SDHAF2: variants seen among roughly 807,000 people sequenced by gnomAD.
SDHAF2 encodes the protein succinate dehydrogenase assembly factor 2, mitochondrial.
A neutral mutation model predicts 18.5 loss-of-function variants in SDHAF2; 21 were observed. The observed-to-expected ratio is 1.13, with a 90% CI of 0.80 to 1.63. The LOEUF (loss-of-function observed/expected upper bound fraction) is 1.63. Among genes scored for constraint, SDHAF2 ranks in the 40% most tolerant of loss-of-function variants. The pLI is 0.00. For missense variants in SDHAF2, 195 were observed against 200.3 expected (o/e 0.97, Z 0.16); for synonymous variants, 84 against 70.7 (o/e 1.19, Z -0.94).
intron 1 of SDHAF2, among the ~76,000 whole-genome samples, chr11:61,436,469 A>G (rs1363879471): frequency 1.3e-5 from 2 of 152,122 alleles, no homozygotes. Flanking sequence ...TTTGTTCTCC[A>G]TGGTTCTTTG....
intron 3 of SDHAF2, among the ~76,000 whole-genome samples, chr11:61,439,219 A>G (rs796226418): frequency 6.2e-4 from 94 of 152,316 alleles, no homozygotes; most frequent in African/African-American, 2.0e-3. Flanking sequence ...TCCAGAGCTC[A>G]TAGAGGGGCT....
intron 1 of SDHAF2, among the ~76,000 whole-genome samples, 189 bp from the exon 2 acceptor site, chr11:61,437,436 A>G (rs891358470): frequency 4.6e-5 from 7 of 152,106 alleles, no homozygotes; most frequent in African/African-American, 1.7e-4. Flanking sequence ...CCTGAACTCA[A>G]GTAATCATGC....
chr11:61,439,765 A>G (rs887917110), intron 3 of SDHAF2, among the ~76,000 whole-genome samples: 6 of 152,178 alleles, frequency 3.9e-5, no homozygotes, highest in African/African-American at 1.2e-4. Flanking sequence ...CCTTGTTGTT[A>G]CTTGTATCAA....
Position 61,446,319 on chromosome 11 carries a change from T to C in SDHAF2, c.*248T>C. On this transcript the variant is annotated 3_prime_UTR_variant, in exon 4 of 4. Coordinates refer to ENST00000301761, the MANE Select transcript of SDHAF2 (RefSeq NM_017841.4). ...TTGTCAGCAGCGCTGGCATGCAGGC[T>C]TTGCCTGGCTGCTATCTCTAGAGGC... The C allele has an allele frequency of 1.6e-6, 1 of 609,014 alleles. No homozygotes were observed. Among genetic ancestry groups the C allele is most frequent in the East Asian group, 2.7e-5 (1 of 36,478 alleles). 37.7% of individuals were successfully genotyped at this position (609,014 alleles called of 1,614,324 possible). A position where few individuals can be genotyped will look rare whatever the true frequency, so the allele number is the denominator to read the frequency against.
In SDHAF2 at chr11:61,445,997, T is replaced by A. The variant is rs755233768; in HGVS notation, c.427T>A (p.Phe143Ile). ...TGAAGTCATGGCCCTGCTGAGAGAC[T>A]TTGCTAAAAACAAAAACAAAGAGCA... ...ENEVMALLRDFAKNKNKEQRL... is the reference protein window; with the variant it reads ...ENEVMALLRDIAKNKNKEQRL... Residue 143 changes from phenylalanine to isoleucine, a missense_variant, in exon 4 of 4, where the codon TTT (phenylalanine) becomes ATT (isoleucine). Phe to Ile is a conservative substitution (Grantham distance 21). Coordinates refer to ENST00000301761, the MANE Select transcript of SDHAF2 (RefSeq NM_017841.4). The A allele has an allele frequency of 1.2e-5, 19 of 1,614,056 alleles. No homozygotes were observed. The South Asian group carries it at 1.9e-4, about 16-fold the overall frequency.
In SDHAF2 at chr11:61,430,699, T is replaced by C. The variant is rs867093001; in HGVS notation, c.36+517T>C. ...GTAATAACTTTTCAAGATCTTTTTC[T>C]AGCATCTTGACATATACAGTACAGT... On this transcript the variant is annotated intron_variant, in intron 1 of 3. Transcript: ENST00000301761. The C allele has an allele frequency of 1.3e-4, 22 of 167,638 alleles. 1 individual carries two copies. Among genetic ancestry groups the C allele is most frequent in the Admixed American group, 4.1e-4 (7 of 17,122 alleles). 10.4% of individuals were successfully genotyped at this position (167,638 alleles called of 1,614,324 possible). A position where few individuals can be genotyped will look rare whatever the true frequency, so the allele number is the denominator to read the frequency against.
chr11:61,432,389 C>T (rs1350506464), intron 1 of SDHAF2: 2 of 152,404 alleles, frequency 1.3e-5, no homozygotes, highest in East Asian at 1.9e-4. Flanking sequence ...ATATAATCTA[C>T]ACACATACTT....
chr11:61,436,675 C>A, intron 1 of SDHAF2: 1 of 375,022 alleles, frequency 2.7e-6, no homozygotes, highest in South Asian at 2.0e-5. Context: ...ATGAGTGCTA[C>A]AAATTTTTCT....
At position 61,438,032 on chromosome 11, in the gene SDHAF2, A is replaced by G. The variant is rs201520416; in HGVS notation, c.289A>G (p.Met97Val). 4 of 1,614,062 alleles carry G rather than the reference A, an allele frequency of 2.5e-6. No homozygotes were observed. Among genetic ancestry groups the G allele is most frequent in the Non-Finnish European group, 3.4e-6 (4 of 1,180,018 alleles). Residue 97 changes from methionine to valine, a missense_variant, in exon 3 of 4, where the codon ATG (methionine) becomes GTG (valine). Physicochemically the swap from Met to Val is conservative, Grantham distance 21. Transcript: ENST00000301761. ...TTTTGCTAAAGAACATCTGCAGCAC[A>G]TGACAGAAAAGCAGCTGAACCTCTA... ...SLFAKEHLQH[M>V]TEKQLNLYDR...
In SDHAF2 at chr11:61,438,021, A is replaced by G. The variant is rs1292596542; in HGVS notation, c.278A>G (p.His93Arg). The G allele has an allele frequency of 6.2e-7, 1 of 1,613,986 alleles. No homozygotes were observed. The highest frequency in any genetic ancestry group is 2.2e-5 in the East Asian group (1 of 44,876). The change falls in exon 3 of 4, where the codon CAT (histidine) becomes CGT (arginine). Residue 93 changes from histidine to arginine, a missense_variant. His to Arg is a conservative substitution (Grantham distance 29). Transcript: ENST00000301761. ...CILLSLFAKE[H>R]LQHMTEKQLN... Reference sequence around the variant, plus strand: ...GTTTTTAGTCTTTTTGCTAAAGAACATCTGCAGCACATGACAGAAAAGCAG... The same window carrying G: ...GTTTTTAGTCTTTTTGCTAAAGAACGTCTGCAGCACATGACAGAAAAGCAG...
chr11:61,430,154 T>C lies in SDHAF2; in HGVS notation c.8T>C (p.Val3Ala), dbSNP rs760006057. 6.8e-6 allele frequency: 11 copies of C among 1,614,012 alleles called. No individual in the cohort carries two copies. Among genetic ancestry groups the C allele is most frequent in the Middle Eastern group, 3.3e-4 (2 of 6,082 alleles). MA[V>A]STVFSTSSLM... ...CCGGTGCAGGTGGGGAAAATGGCGG[T>C]GTCTACAGTGTTCTCGACTTCGTCG... The change falls in exon 1 of 4, where the codon GTG becomes GCG. Residue 3 changes from valine (V) to alanine (A), a missense_variant. By Grantham distance (64) the Val-to-Ala change is moderately conservative (BLOSUM62 0). Transcript: ENST00000301761.
chr11:61,430,417 G>T (rs552757581), intron 1 of SDHAF2: 7 of 590,038 alleles, frequency 1.2e-5, no homozygotes, highest in Admixed American at 3.1e-5. Flanking sequence ...CATCGTCCAA[G>T]ACCCAATTCG....
At chr11:61,443,017 A>C (rs534923041) in intron 3 of SDHAF2, among the ~76,000 whole-genome samples, 2 of 152,168 alleles carry the variant, frequency 1.3e-5, no homozygotes, top group African/African-American at 4.8e-5. Context: ...AGTCCCTTAA[A>C]GTGTTGGGAT....
At position 61,446,182 on chromosome 11, in the gene SDHAF2, C is replaced by A; in HGVS notation, c.*111C>A. ...GATGCCCAGCTGCCCTACCCCAGAC[C>A]ACTGGTCCTGCCTCAAGTGATGGAC... On this transcript the variant is annotated 3_prime_UTR_variant, in exon 4 of 4. Transcript: ENST00000301761. 2 of 1,217,476 alleles carry A rather than the reference C, an allele frequency of 1.6e-6. No homozygotes were observed. The highest frequency in any genetic ancestry group is 2.4e-6 in the Non-Finnish European group (2 of 828,488). The allele number at this position is 1,217,476 out of a possible 1,614,324, so 75.4% of individuals were successfully genotyped here.
At chr11:61,434,096 G>A (rs1861964997) in intron 1 of SDHAF2, 1 of 152,172 alleles carries the variant, frequency 6.6e-6, no homozygotes, top group Non-Finnish European at 1.5e-5. Flanking sequence ...TCGCAGTATG[G>A]ACTTCTTTGG....
chr11:61,442,900 C>T (rs969909669), intron 3 of SDHAF2, among the ~76,000 whole-genome samples: 2 of 152,148 alleles, frequency 1.3e-5, no homozygotes, highest in African/African-American at 4.8e-5. Flanking sequence ...ACCACAGGCA[C>T]GTGCCGCCAT....
At position 61,437,818 on chromosome 11, in the gene SDHAF2, G is replaced by A. The variant is rs755511528; in HGVS notation, c.230G>A (p.Arg77Lys). The A allele has an allele frequency of 1.2e-6, 2 of 1,613,918 alleles. No individual in the cohort carries two copies. The highest frequency in any genetic ancestry group is 2.2e-5 in the South Asian group (2 of 91,064). Residue 77 changes from arginine (R) to lysine (K), a missense_variant, in exon 2 of 4, where the codon AGG becomes AAG. Physicochemically the swap from Arg to Lys is conservative, Grantham distance 26 (BLOSUM62 2). Transcript: ENST00000301761. ...RARLLYESRK[R>K]GMLENCILLS... is the part of the protein sequence containing the mutation. ...CGCCTGCTCTATGAGAGCAGAAAGA[G>A]GGGAATGTTGGAAAACTGCATTCTT...
Position 61,446,631 on chromosome 11 carries a change from G to A in SDHAF2, c.*560G>A. ...TGAGGGCCACAGGCAGGAGTGGTGT[G>A]GGCACACTGCTTAGGAGTCAACATC... On this transcript the variant is annotated 3_prime_UTR_variant, in exon 4 of 4. Coordinates refer to ENST00000301761, the MANE Select transcript of SDHAF2 (RefSeq NM_017841.4). 2.4e-6 allele frequency: 1 copy of A among 418,028 alleles called. No individual in the cohort carries two copies. The highest frequency in any genetic ancestry group is 4.2e-6 in the Non-Finnish European group (1 of 236,170). The allele number at this position is 418,028 out of a possible 1,614,324, so 25.9% of individuals were successfully genotyped here.
chr11:61,442,553 G>A (rs1156587801), intron 3 of SDHAF2, among the ~76,000 whole-genome samples: 1 of 152,096 alleles, frequency 6.6e-6, no homozygotes, highest in Non-Finnish European at 1.5e-5. Flanking sequence ...ATTTATATAT[G>A]TAGGCATTTG....
Sources: allele counts gnomAD v4.1 joint callset (sites outside exome capture counted in the v4.1 genomes callset), GRCh38; gene constraint gnomAD v4.1.1; transcripts MANE v1.5; gene names NCBI Gene and HGNC (gene_info 2026-07-23, HGNC 2026-07-21).